Variants in CACNA2D2 observed in about 807,000 individuals in gnomAD.
The protein encoded by CACNA2D2 is calcium voltage-gated channel auxiliary subunit alpha2delta 2, also known as voltage-dependent calcium channel subunit alpha-2/delta-2.
CACNA2D2 carries 48 observed loss-of-function variants against 166.4 expected under a neutral mutation model. The ratio of observed to expected loss-of-function variants is 0.29; its 90% CI spans 0.23 to 0.37. The LOEUF is 0.37. Ranked by LOEUF, CACNA2D2 falls within the 10% of genes least tolerant of loss-of-function variation. The probability of loss-of-function intolerance (pLI) is 1.00; values close to 1 mark genes in which losing one functional copy is unlikely to be tolerated. For synonymous variants in CACNA2D2, 561 were observed against 573.7 expected, an observed-to-expected ratio of 0.98 and a Z score of 0.32; for missense variants, 1,122 against 1,433.0, an observed-to-expected ratio of 0.78 and a Z score of 3.50.
chr3:50,395,673 C>T (rs746406517), intron 3 of CACNA2D2, among the ~76,000 whole-genome samples: 2 of 152,214 alleles, frequency 1.3e-5, no homozygotes, highest in Admixed American at 6.5e-5. Context: ...TCATGGAGGC[C>T]GGCATTTCCT....
At position 50,375,403 on chromosome 3, in the gene CACNA2D2, G is replaced by A. The variant is rs1704917698; in HGVS notation, c.1907+241C>T. 6.6e-6 allele frequency among the ~76,000 whole-genome samples: 1 copy of A among 152,228 alleles called. No individual in the cohort carries two copies. The highest frequency in any genetic ancestry group is 1.5e-5 in the Non-Finnish European group (1 of 68,032). ...GTGAGGCAGGCTGACAGCATGCCAAGGGCAGTATCCTGGGATGAGGAGACT... is the reference window on the plus strand; with the variant it reads ...GTGAGGCAGGCTGACAGCATGCCAAAGGCAGTATCCTGGGATGAGGAGACT... On this transcript the variant is annotated intron_variant, in intron 21 of 37. Coordinates refer to ENST00000424201, the MANE Select transcript of CACNA2D2 (RefSeq NM_006030.4). The surrounding 1 kb of genome is among the most constrained non-coding windows in gnomAD (Gnocchi z 4.0).
At chr3:50,428,246 G>A (rs1221046640) in intron 3 of CACNA2D2, among the ~76,000 whole-genome samples, 1 of 152,190 alleles carries the variant, frequency 6.6e-6, no homozygotes, top group African/African-American at 2.4e-5. Context: ...CAGTGCACAA[G>A]GCAGCCCCAC....
intron 2 of CACNA2D2, 39 bp downstream of exon 2, chr3:50,476,079 G>A (rs1210721891): frequency 2.7e-6 from 4 of 1,498,576 alleles, no homozygotes; most frequent in Non-Finnish European, 3.7e-6. Flanking sequence ...TCCCTTGGAA[G>A]AGGGTCCCTG....
chr3:50,489,051 A>T (rs1698411554), intron 1 of CACNA2D2, among the ~76,000 whole-genome samples: 1 of 152,302 alleles, frequency 6.6e-6, no homozygotes, highest in East Asian at 1.9e-4. Flanking sequence ...ATCTCCTGAG[A>T]ACAGCACCTG....
At chr3:50,498,606 G>C (rs1423746263) in intron 1 of CACNA2D2, among the ~76,000 whole-genome samples, 1 of 152,224 alleles carries the variant, frequency 6.6e-6, no homozygotes, top group Non-Finnish European at 1.5e-5. Context: ...ATACGTGGGA[G>C]GTAGATGGAG....
At chr3:50,371,830 C>G (rs1392452069) in intron 22 of CACNA2D2, among the ~76,000 whole-genome samples, 1 of 151,856 alleles carries the variant, frequency 6.6e-6, no homozygotes, top group Non-Finnish European at 1.5e-5. Flanking sequence ...GCTATGTTGT[C>G]ATTGTTACTA....
At chr3:50,411,804 C>T (rs1013775929) in intron 3 of CACNA2D2, among the ~76,000 whole-genome samples, 6 of 152,224 alleles carry the variant, frequency 3.9e-5, no homozygotes, top group Non-Finnish European at 5.9e-5. Context: ...CCAGCACTGC[C>T]AGCAGCCTCT....
At chr3:50,445,843 T>C (rs1708820206) in intron 2 of CACNA2D2, among the ~76,000 whole-genome samples, 2 of 152,176 alleles carry the variant, frequency 1.3e-5, no homozygotes, top group Non-Finnish European at 1.5e-5. Flanking sequence ...GTCAGTGATC[T>C]CTGAACCCAG....
At chr3:50,372,378 C>T (rs1042075231) in intron 22 of CACNA2D2, among the ~76,000 whole-genome samples, 2 of 152,230 alleles carry the variant, frequency 1.3e-5, no homozygotes, top group Non-Finnish European at 2.9e-5. Context: ...CACCCCGGGG[C>T]TCAGCAAAGC....
chr3:50,416,439 T>C (rs1276636957), intron 3 of CACNA2D2, among the ~76,000 whole-genome samples: 1 of 152,180 alleles, frequency 6.6e-6, no homozygotes, highest in African/African-American at 2.4e-5. Context: ...CAGAGAAATG[T>C]TTCTCCTTCC....
At chr3:50,409,536 C>T (rs1384162202) in intron 3 of CACNA2D2, among the ~76,000 whole-genome samples, 2 of 152,272 alleles carry the variant, frequency 1.3e-5, no homozygotes, top group Non-Finnish European at 2.9e-5. Flanking sequence ...TCATCGTGGG[C>T]GATGCCACTG....
Position 50,365,679 on chromosome 3 carries a change from G to A in CACNA2D2, c.2925C>T (p.Phe975=). 1 of 1,587,650 alleles carries A rather than the reference G, an allele frequency of 6.3e-7. No individual in the cohort carries two copies. Among genetic ancestry groups the A allele is most frequent in the Non-Finnish European group, 8.6e-7 (1 of 1,167,406 alleles). Residue 975 remains phenylalanine (F), a synonymous_variant, in exon 34 of 38, where the codon TTC becomes TTT. Coordinates refer to ENST00000424201, the MANE Select transcript of CACNA2D2 (RefSeq NM_006030.4). This position sits in a 1 kb window ranked among gnomAD's most constrained non-coding sequence, Gnocchi z 4.5. ...WWTSAAAWSL[F]QQLLYGLIYH... ...AGATGAGGCCGTAGAGAAGCTGCTG[G>A]AACAGGGACCTGCAGCGCACGGGGA...
At chr3:50,447,960 T>C (rs1559958231) in intron 2 of CACNA2D2, among the ~76,000 whole-genome samples, 1 of 152,122 alleles carries the variant, frequency 6.6e-6, no homozygotes, top group Non-Finnish European at 1.5e-5. Flanking sequence ...CAGAACAGGC[T>C]AAGAGTCAGA....
intron 4 of CACNA2D2, among the ~76,000 whole-genome samples, chr3:50,390,592 TA>T (rs1705837366): frequency 6.6e-6 from 1 of 152,120 alleles, no homozygotes; most frequent in Admixed American, 6.5e-5. Context: ...TCTGATATTT[TA>T]GGGGCCATTT....
intron 1 of CACNA2D2, among the ~76,000 whole-genome samples, chr3:50,493,749 G>A (rs750950808): frequency 3.3e-5 from 5 of 152,246 alleles, no homozygotes; most frequent in African/African-American, 4.8e-5. Flanking sequence ...AGGGCCCCAT[G>A]ACCCGGCACA....
At chr3:50,490,146 C>T (rs929688772) in intron 1 of CACNA2D2, among the ~76,000 whole-genome samples, 4 of 151,984 alleles carry the variant, frequency 2.6e-5, no homozygotes, top group East Asian at 1.9e-4. Flanking sequence ...TTGGAAGGAG[C>T]GGGGCAGACG....
At chr3:50,377,923 G>A (rs1014596059) in intron 15 of CACNA2D2, 85 bp downstream of exon 15, 3 of 1,510,634 alleles carry the variant, frequency 2.0e-6, no homozygotes, top group Admixed American at 1.7e-5. Flanking sequence ...TACCCCATAA[G>A]GGGGCCCTCC....
At position 50,367,887 on chromosome 3, in the gene CACNA2D2, A is replaced by C; in HGVS notation, c.2159T>G (p.Leu720Arg). 9.0e-7 allele frequency: 1 copy of C among 1,111,696 alleles called. No individual in the cohort carries two copies. Among genetic ancestry groups the C allele is most frequent in the Non-Finnish European group, 1.3e-6 (1 of 791,766 alleles). The allele number at this position is 1,111,696 out of a possible 1,614,324, so 68.9% of individuals were successfully genotyped here. A position where few individuals can be genotyped will look rare whatever the true frequency, so the allele number is the denominator to read the frequency against. Residue 720 changes from leucine (L) to arginine (R), a missense_variant, in exon 25 of 38, where the codon CTG becomes CGG. Leu to Arg is a moderately radical substitution (Grantham distance 102). Transcript: ENST00000424201. The surrounding 1 kb of genome is among the most constrained non-coding windows in gnomAD (Gnocchi z 6.5). ...GCCCGTGTCCAAGATCAGGTTGTGCAGAAGGAAGTTGTTGCCTGGAACAGG... is the reference window on the plus strand; with the variant it reads ...GCCCGTGTCCAAGATCAGGTTGTGCCGAAGGAAGTTGTTGCCTGGAACAGG... ...PDSKQCNNFLLHNLILDTGIT... is the reference protein window; with the variant it reads ...PDSKQCNNFLRHNLILDTGIT...
Position 50,427,112 on chromosome 3 carries a change from C to T in CACNA2D2, c.405+7201G>A, listed in dbSNP as rs994905605. ...CCCAGGGACACTTGGGTTTACCGTC[C>T]CTTCCGCAGACATCCAGGCCACCTC... On this transcript the variant is annotated intron_variant, in intron 3 of 37. Transcript: ENST00000424201. The surrounding 1 kb of genome is among the most constrained non-coding windows in gnomAD (Gnocchi z 4.7). Among the ~76,000 whole-genome samples the T allele has an allele frequency of 6.6e-6, 1 of 152,198 alleles. No homozygotes were observed. The highest frequency in any genetic ancestry group is 2.4e-5 in the African/African-American group (1 of 41,454).
Sources: allele counts gnomAD v4.1 joint callset (sites outside exome capture counted in the v4.1 genomes callset), GRCh38; gene constraint gnomAD v4.1.1; non-coding constraint Gnocchi (gnomAD v3.1); transcripts MANE v1.5; gene names NCBI Gene and HGNC (gene_info 2026-07-23, HGNC 2026-07-21).